The following SNCAIP variants were observed in gnomAD, a reference collection of about 807,000 sequenced individuals.
The protein encoded by SNCAIP is synuclein alpha interacting protein.
In SNCAIP, 43 loss-of-function variants were observed where a neutral mutation model predicts 86.7. The observed-to-expected ratio is 0.50, with a 90% CI of 0.39 to 0.64. The LOEUF (loss-of-function observed/expected upper bound fraction) is 0.64. Among genes scored for constraint, SNCAIP ranks in the 30% least tolerant of loss-of-function variants. SNCAIP has a pLI of 0.00. For missense variants in SNCAIP, 981 were observed against 1,103.1 expected (o/e 0.89, Z 1.57); for synonymous variants, 417 against 427.2 (o/e 0.98, Z 0.29).
intron 1 of SNCAIP, chr5:122,383,354 C>T (rs2152822159): frequency 6.5e-6 from 1 of 153,088 alleles, no homozygotes; most frequent in South Asian, 2.1e-4. Flanking sequence ...AACTCCCTGA[C>T]CCCTTGCGCT....
At chr5:122,373,659 T>C (rs1239644323) in intron 1 of SNCAIP, among the ~76,000 whole-genome samples, 1 of 152,210 alleles carries the variant, frequency 6.6e-6, no homozygotes, top group Non-Finnish European at 1.5e-5. Context: ...TCAATCTTAT[T>C]TTTGTCCACC....
Position 122,353,183 on chromosome 5 carries a change from T to TTA in SNCAIP, c.-46-37904_-46-37903dup, listed in dbSNP as rs767967102. On this transcript the variant is annotated intron_variant, in intron 1 of 10. Coordinates refer to ENST00000261368, the MANE Select transcript of SNCAIP (RefSeq NM_005460.4). ...ACAGTGTGGATAAGTCTTCCAAATA[T>TTA]TATGTTGAGCAAAAAAAGGAGGTGG... Among the ~76,000 whole-genome samples the TTA allele has an allele frequency of 6.6e-5, 10 of 152,170 alleles. 1 individual carries two copies. The South Asian group carries it at 1.7e-3, about 25-fold the overall frequency.
At chr5:122,450,494 G>A (rs753308260) in intron 9 of SNCAIP, 39 bp from the exon 10 acceptor site, 2 of 1,444,898 alleles carry the variant, frequency 1.4e-6, no homozygotes, top group Non-Finnish European at 9.7e-7. Flanking sequence ...TTTCAACCCA[G>A]TAGGAAATCA....
chr5:122,436,016 A>T (rs1285723831), intron 6 of SNCAIP, among the ~76,000 whole-genome samples: 1 of 152,116 alleles, frequency 6.6e-6, no homozygotes, highest in African/African-American at 2.4e-5. Context: ...TCTTTGACTC[A>T]AGGGGCACAA....
chr5:122,399,537 A>G (rs1271227179), intron 2 of SNCAIP, among the ~76,000 whole-genome samples: 1 of 152,196 alleles, frequency 6.6e-6, no homozygotes, highest in African/African-American at 2.4e-5. Context: ...GGTTTTTCTA[A>G]GATTAGTGCT....
chr5:122,443,333 T>C (rs1053093933), intron 7 of SNCAIP, among the ~76,000 whole-genome samples: 4 of 152,230 alleles, frequency 2.6e-5, no homozygotes, highest in African/African-American at 7.2e-5. Context: ...TTGATTAATA[T>C]TGATGTAATA....
intron 10 of SNCAIP, among the ~76,000 whole-genome samples, chr5:122,460,235 C>T (rs1289604795): frequency 6.6e-6 from 1 of 152,008 alleles, no homozygotes; most frequent in African/African-American, 2.4e-5. Context: ...GATCCTCCCA[C>T]TTCAGCCTCC....
chr5:122,319,717 A>C (rs1275472991), intron 1 of SNCAIP, among the ~76,000 whole-genome samples: 2 of 152,220 alleles, frequency 1.3e-5, no homozygotes, highest in African/African-American at 4.8e-5. Context: ...GCTGATGCAG[A>C]AGGAAGATAT....
intron 1 of SNCAIP, among the ~76,000 whole-genome samples, chr5:122,385,585 G>T (rs1767936788): frequency 6.6e-6 from 1 of 151,952 alleles, no homozygotes; most frequent in Admixed American, 6.6e-5. Flanking sequence ...TTTTTATATT[G>T]AAGAAAGTAA....
chr5:122,339,618 TC>T (rs1319472118), intron 1 of SNCAIP, among the ~76,000 whole-genome samples: 1 of 152,192 alleles, frequency 6.6e-6, no homozygotes, highest in Non-Finnish European at 1.5e-5. Context: ...GTAGGAGATT[TC>T]CGGTCTTGAT....
chr5:122,433,229 G>T (rs555515168), intron 6 of SNCAIP, among the ~76,000 whole-genome samples: 2 of 151,808 alleles, frequency 1.3e-5, no homozygotes, highest in African/African-American at 4.8e-5. Context: ...CAGGCACCAC[G>T]CCATTGGATT....
At chr5:122,414,936 T>C (rs564498228) in intron 3 of SNCAIP, among the ~76,000 whole-genome samples, 82 of 152,338 alleles carry the variant, frequency 5.4e-4, no homozygotes, top group African/African-American at 1.9e-3. Flanking sequence ...ACACTTGCCT[T>C]GTACTCAGAA....
intron 7 of SNCAIP, chr5:122,444,029 G>A (rs1781720916): frequency 3.1e-5 from 14 of 456,172 alleles, no homozygotes; most frequent in Admixed American, 3.1e-4. Flanking sequence ...GCCCATTGTG[G>A]GAGGGTGGGA....
chr5:122,317,854 C>T (rs1405303626), intron 1 of SNCAIP, among the ~76,000 whole-genome samples: 3 of 152,104 alleles, frequency 2.0e-5, no homozygotes, highest in Non-Finnish European at 2.9e-5. Context: ...TTTCTTCCTC[C>T]ACCTAATCAG....
chr5:122,433,669 G>A (rs545700457), intron 6 of SNCAIP, among the ~76,000 whole-genome samples: 1 of 152,212 alleles, frequency 6.6e-6, no homozygotes, highest in Non-Finnish European at 1.5e-5. Flanking sequence ...TGTTCTTTGT[G>A]CATTGTACTT....
intron 2 of SNCAIP, among the ~76,000 whole-genome samples, chr5:122,399,281 T>C (rs908872043): frequency 2.0e-5 from 3 of 152,134 alleles, no homozygotes; most frequent in African/African-American, 7.2e-5. Flanking sequence ...TGACTGCATC[T>C]ATGTTATCTC....
At chr5:122,341,107 A>AATCT (rs1757485299) in intron 1 of SNCAIP, among the ~76,000 whole-genome samples, 1 of 152,166 alleles carries the variant, frequency 6.6e-6, no homozygotes, top group South Asian at 2.1e-4. Flanking sequence ...TTAAAGTTAG[A>AATCT]ATCTCTAGTG....
chr5:122,394,476 C>G (rs915638213), intron 2 of SNCAIP, among the ~76,000 whole-genome samples: 2 of 152,190 alleles, frequency 1.3e-5, no homozygotes, highest in African/African-American at 4.8e-5. Context: ...ACTATACATT[C>G]TTGTAATCCT....
intron 3 of SNCAIP, among the ~76,000 whole-genome samples, chr5:122,414,187 G>A (rs1225931827): frequency 2.0e-5 from 3 of 151,706 alleles, no homozygotes; most frequent in African/African-American, 7.3e-5. Flanking sequence ...GAGATGACAG[G>A]TCTGAGCCAG....
Sources: gnomAD v4.1 joint callset for allele counts (sites outside exome capture counted in the v4.1 genomes callset) on GRCh38, gnomAD v4.1.1 for gene constraint, MANE v1.5 for transcripts, NCBI Gene and HGNC (gene_info 2026-07-23, HGNC 2026-07-21) for gene names.